FGF12: variants seen among roughly 807,000 people sequenced by gnomAD.
The protein encoded by FGF12 is fibroblast growth factor 12.
A neutral mutation model predicts 23.6 loss-of-function variants in FGF12; 14 were observed. The ratio of observed to expected loss-of-function variants is 0.59; its 90% CI spans 0.39 to 0.93. The LOEUF is 0.93. Ranked by LOEUF, FGF12 falls within the 40% of genes least tolerant of loss-of-function variation. FGF12 has a pLI of 0.00. For missense variants in FGF12, 175 were observed against 217.8 expected (o/e 0.80, Z 1.24); for synonymous variants, 62 against 77.3 (o/e 0.80, Z 1.04).
intron 4 of FGF12, among the ~76,000 whole-genome samples, chr3:192,254,247 C>T (rs79121103): frequency 0.014 from 2,099 of 151,758 alleles, 44 homozygotes; most frequent in African/African-American, 0.048. Context: ...ATTTAGACTC[C>T]GCATATAGAT....
intron 2 of FGF12, among the ~76,000 whole-genome samples, chr3:192,443,835 C>T (rs75083003): frequency 6.6e-6 from 1 of 152,154 alleles, no homozygotes; most frequent in Non-Finnish European, 1.5e-5. Context: ...ATGATGCACA[C>T]ACAAGGTTCT....
At chr3:192,398,908 G>A (rs1452205285) in intron 2 of FGF12, among the ~76,000 whole-genome samples, 1 of 152,154 alleles carries the variant, frequency 6.6e-6, no homozygotes. Context: ...GGCTTGCTCA[G>A]TGAGTCAGGA....
At position 192,378,080 on chromosome 3, in the gene FGF12, T is replaced by TTCTTTCTTTCTTTCTTTCTG. The variant is rs1719638249; in HGVS notation, c.14-17543_14-17542insCAGAAAGAAAGAAAGAAAGA. Among the ~76,000 whole-genome samples, 32 of 105,846 alleles carry TTCTTTCTTTCTTTCTTTCTG rather than the reference T, an allele frequency of 3.0e-4. 3 individuals carry two copies. The highest frequency in any genetic ancestry group is 6.8e-4 in the African/African-American group (18 of 26,342). The allele number at this position is 105,846 out of a possible 152,430, so 69.4% of individuals were successfully genotyped here. On this transcript the variant is annotated intron_variant, in intron 2 of 5. Coordinates refer to ENST00000445105, the MANE Select transcript of FGF12 (RefSeq NM_004113.6). The stretch of plus-strand genomic sequence containing the variant: ...TTTCTTTCTTTCTTTCTTTCTTTCT[T>TTCTTTCTTTCTTTCTTTCTG]TCTTTCTTTCTTTCTTCTTTCTTTC...
chr3:192,589,159 A>C (rs1577067896), intron 2 of FGF12, among the ~76,000 whole-genome samples: 1 of 151,888 alleles, frequency 6.6e-6, no homozygotes, highest in East Asian at 1.9e-4. Flanking sequence ...ACATAGTGAA[A>C]CCCCATCTCT....
intron 4 of FGF12, among the ~76,000 whole-genome samples, chr3:192,231,474 T>A (rs1428005383): frequency 6.6e-6 from 1 of 152,148 alleles, no homozygotes; most frequent in African/African-American, 2.4e-5. Context: ...GGTGCAAAAG[T>A]AATTGCAGTT....
intron 2 of FGF12, among the ~76,000 whole-genome samples, chr3:192,694,565 A>G (rs558749984): frequency 2.6e-4 from 40 of 152,164 alleles, no homozygotes; most frequent in African/African-American, 9.6e-4. Context: ...ACATATATAC[A>G]CATACATATA....
At chr3:192,703,212 A>G (rs1291765220) in intron 2 of FGF12, among the ~76,000 whole-genome samples, 1 of 152,240 alleles carries the variant, frequency 6.6e-6, no homozygotes, top group African/African-American at 2.4e-5. Context: ...CAACCACAAT[A>G]AAGTGAATAT....
intron 3 of FGF12, among the ~76,000 whole-genome samples, chr3:192,344,774 C>A (rs1717871441): frequency 6.6e-6 from 1 of 152,084 alleles, no homozygotes; most frequent in African/African-American, 2.4e-5. Context: ...ATCATATAAC[C>A]TTTCCTATGA....
intron 4 of FGF12, among the ~76,000 whole-genome samples, chr3:192,316,585 G>A (rs1716239252): frequency 6.6e-6 from 1 of 152,200 alleles, no homozygotes; most frequent in East Asian, 1.9e-4. Context: ...CTAGCCAGAG[G>A]TGAATTGTCT....
At chr3:192,631,677 C>T (rs1715396466) in intron 2 of FGF12, among the ~76,000 whole-genome samples, 2 of 152,292 alleles carry the variant, frequency 1.3e-5, no homozygotes, top group South Asian at 4.1e-4. Flanking sequence ...AGACATGACA[C>T]ATTGAAGGCA....
At position 192,568,728 on chromosome 3, in the gene FGF12, T is replaced by C. The variant is rs115502828; in HGVS notation, c.13+158453A>G. On this transcript the variant is annotated intron_variant, in intron 2 of 5. Transcript: ENST00000445105. ...TTAATAAATCCTGAGACTATAGAGA[T>C]GGGCAAGACAGAGTCCTTCTGCCAG... 3.2e-3 allele frequency among the ~76,000 whole-genome samples: 488 copies of C among 152,242 alleles called. 1 individual carries two copies. The highest frequency in any genetic ancestry group is 0.011 in the African/African-American group (467 of 41,536).
intron 2 of FGF12, among the ~76,000 whole-genome samples, chr3:192,489,115 T>C (rs899480690): frequency 3.9e-5 from 6 of 152,104 alleles, no homozygotes; most frequent in African/African-American, 9.7e-5. Flanking sequence ...AAAGTCACTT[T>C]ATGTAACTGA....
chr3:192,475,749 C>G lies in FGF12; in HGVS notation c.14-115211G>C, dbSNP rs866926330. On this transcript the variant is annotated intron_variant, in intron 2 of 5. Coordinates refer to ENST00000445105, the MANE Select transcript of FGF12 (RefSeq NM_004113.6). ...ATTACACGTCAGTGCAAAAGCTGTTCTCGTGATAGGGAAATTCACAGGGAC... is the reference window on the plus strand; with the variant it reads ...ATTACACGTCAGTGCAAAAGCTGTTGTCGTGATAGGGAAATTCACAGGGAC... 3.4e-4 allele frequency among the ~76,000 whole-genome samples: 51 copies of G among 152,134 alleles called. 2 individuals are homozygous for G. The highest frequency in any genetic ancestry group is 2.0e-4 in the Admixed American group (3 of 15,256).
chr3:192,562,107 A>G (rs1267893672), intron 2 of FGF12, among the ~76,000 whole-genome samples: 2 of 152,190 alleles, frequency 1.3e-5, no homozygotes, highest in Non-Finnish European at 2.9e-5. Context: ...CAACAACATG[A>G]TGGATCTCAG....
intron 2 of FGF12, among the ~76,000 whole-genome samples, chr3:192,370,245 C>T (rs1719166715): frequency 1.3e-5 from 2 of 152,182 alleles, no homozygotes; most frequent in Non-Finnish European, 2.9e-5. Context: ...ACATCTCTAT[C>T]AGTAAAATAT....
At chr3:192,432,948 T>G (rs1721909421) in intron 2 of FGF12, among the ~76,000 whole-genome samples, 1 of 152,144 alleles carries the variant, frequency 6.6e-6, no homozygotes, top group Non-Finnish European at 1.5e-5. Flanking sequence ...GTCTGTAGCA[T>G]TGGTGAACTC....
intron 4 of FGF12, among the ~76,000 whole-genome samples, chr3:192,331,311 C>CAAA (rs201997868): frequency 2.9e-4 from 28 of 95,940 alleles, no homozygotes; most frequent in Non-Finnish European, 4.3e-4. Context: ...GGAGTTTTCT[C>CAAA]AAAAAAAAAA....
chr3:192,258,293 A>G lies in FGF12; in HGVS notation c.228+77068T>C, dbSNP rs550899739. ...GCCAATATGGCAAAACCCCATCTCTACTAGAAATACAAACATTAGCCAGGC... is the reference window on the plus strand; with the variant it reads ...GCCAATATGGCAAAACCCCATCTCTGCTAGAAATACAAACATTAGCCAGGC... On this transcript the variant is annotated intron_variant, in intron 4 of 5. Coordinates refer to ENST00000445105, the MANE Select transcript of FGF12 (RefSeq NM_004113.6). Among the ~76,000 whole-genome samples, 135 of 152,226 alleles carry G rather than the reference A, an allele frequency of 8.9e-4. 2 individuals are homozygous for G. Among genetic ancestry groups the G allele is most frequent in the African/African-American group, 3.1e-3 (130 of 41,578 alleles).
chr3:192,426,019 T>G (rs569333008), intron 2 of FGF12, among the ~76,000 whole-genome samples: 2 of 152,180 alleles, frequency 1.3e-5, no homozygotes, highest in South Asian at 4.1e-4. Context: ...CTCACCAAGT[T>G]TATAGCTCTT....
Sources: gnomAD v4.1 joint callset for allele counts (sites outside exome capture counted in the v4.1 genomes callset) on GRCh38, gnomAD v4.1.1 for gene constraint, MANE v1.5 for transcripts, NCBI Gene and HGNC (gene_info 2026-07-23, HGNC 2026-07-21) for gene names.